The following CUX1 variants were observed in gnomAD, a reference collection of about 807,000 sequenced individuals.
CUX1 encodes cut like homeobox 1.
In CUX1, 31 loss-of-function variants were observed where a neutral mutation model predicts 158.8. The ratio of observed to expected loss-of-function variants is 0.20; its 90% CI spans 0.15 to 0.26. The LOEUF (loss-of-function observed/expected upper bound fraction) is 0.26, where lower values mean the gene tolerates loss of function less well. CUX1 is among the 10% of genes least tolerant of loss of function. CUX1 has a pLI of 1.00. For missense variants in CUX1, 1,589 were observed against 2,014.6 expected (o/e 0.79, Z 4.04); for synonymous variants, 879 against 862.1 (o/e 1.02, Z -0.34).
At chr7:102,055,185 C>T (rs1369408271) in intron 3 of CUX1, among the ~76,000 whole-genome samples, 4 of 151,460 alleles carry the variant, frequency 2.6e-5, no homozygotes, top group South Asian at 4.2e-4. Context: ...GTATTTTATA[C>T]TTTTTGTGAT....
Position 102,111,580 on chromosome 7 carries a change from C to A in CUX1, c.531-118C>A, listed in dbSNP as rs370070773. 4.1e-5 allele frequency: 36 copies of A among 871,118 alleles called. No homozygotes were observed. The East Asian group carries it at 7.0e-4, about 17-fold the overall frequency. The allele number at this position is 871,118 out of a possible 1,614,324, so 54.0% of individuals were successfully genotyped here. A position where few individuals can be genotyped will look rare whatever the true frequency, so the allele number is the denominator to read the frequency against. ...ACACGTGTCGTTGCGGGCGATACCC[C>A]GTGGTGCGCCTGCCGCCAGCTGAGC... On this transcript the variant is annotated intron_variant, in intron 6 of 23. Transcript: ENST00000292535.
At chr7:102,021,820 C>T (rs1177339581) in intron 2 of CUX1, among the ~76,000 whole-genome samples, 1 of 152,006 alleles carries the variant, frequency 6.6e-6, no homozygotes, top group African/African-American at 2.4e-5. Context: ...TTCAGCCTCT[C>T]GAAGTGCTGG....
intron 20 of CUX1, among the ~76,000 whole-genome samples, chr7:102,212,478 G>A (rs782163364): frequency 4.6e-5 from 7 of 152,204 alleles, no homozygotes; most frequent in Admixed American, 6.5e-5. Context: ...CACCCAAAGA[G>A]AGGGAAGTCA....
chr7:101,842,905 C>A (rs1179933799), intron 1 of CUX1, among the ~76,000 whole-genome samples: 1 of 129,138 alleles, frequency 7.7e-6, no homozygotes, highest in East Asian at 2.2e-4. Context: ...CAGAGTCTCT[C>A]TCTGTCGCCC....
intron 16 of CUX1, among the ~76,000 whole-genome samples, chr7:102,199,577 A>G (rs570733684): frequency 2.0e-5 from 3 of 152,290 alleles, no homozygotes; most frequent in Non-Finnish European, 2.9e-5. Flanking sequence ...GGTGCAAACA[A>G]TTTTTTAAGT....
intron 2 of CUX1, among the ~76,000 whole-genome samples, chr7:102,003,321 C>G (rs889512378): frequency 4.0e-5 from 6 of 151,466 alleles, no homozygotes; most frequent in African/African-American, 1.5e-4. Flanking sequence ...CACACACACA[C>G]ACACACACAC....
chr7:101,933,365 T>C (rs1806509194), intron 2 of CUX1, among the ~76,000 whole-genome samples: 1 of 152,170 alleles, frequency 6.6e-6, no homozygotes, highest in South Asian at 2.1e-4. Flanking sequence ...AAGTGGACAT[T>C]TTCCTTTTTT....
chr7:102,279,957 C>T, intron 18 of CUX1: 1 of 903,602 alleles, frequency 1.1e-6, no homozygotes, highest in East Asian at 2.4e-5. Flanking sequence ...GATGAGGAAA[C>T]TGAGGCTCCC....
intron 2 of CUX1, among the ~76,000 whole-genome samples, chr7:101,972,028 G>A (rs986488373): frequency 3.3e-5 from 5 of 152,134 alleles, no homozygotes; most frequent in East Asian, 1.9e-4. Flanking sequence ...CTGCAGTGGC[G>A]CTATCTTGGC....
At position 102,189,955 on chromosome 7, in the gene CUX1, G is replaced by A. The variant is rs1399634484; in HGVS notation, c.1076+84G>A. On this transcript the variant is annotated intron_variant, in intron 12 of 23. Coordinates refer to ENST00000292535, the MANE Select transcript of CUX1 (RefSeq NM_181552.4). ...AACAATGCCAGGCTGGTGGCAGGAAGCCTTGGCCCCCTGCCCTCTGGCTCA... is the reference window on the plus strand; with the variant it reads ...AACAATGCCAGGCTGGTGGCAGGAAACCTTGGCCCCCTGCCCTCTGGCTCA... 4 of 1,468,306 alleles carry A rather than the reference G, an allele frequency of 2.7e-6. No homozygotes were observed. In the African/African-American group the frequency reaches 5.6e-5, roughly 20 times the overall value. The allele number at this position is 1,468,306 out of a possible 1,614,324, so 91.0% of individuals were successfully genotyped here. A position where few individuals can be genotyped will look rare whatever the true frequency, so the allele number is the denominator to read the frequency against.
chr7:101,856,806 T>G (rs935086476), intron 1 of CUX1, among the ~76,000 whole-genome samples: 1 of 152,188 alleles, frequency 6.6e-6, no homozygotes, highest in African/African-American at 2.4e-5. Flanking sequence ...TGAAACTGCT[T>G]TCTTGTAGCC....
chr7:101,892,432 T>C (rs1202807848), intron 1 of CUX1, among the ~76,000 whole-genome samples: 2 of 152,202 alleles, frequency 1.3e-5, no homozygotes, highest in Non-Finnish European at 2.9e-5. Context: ...CAGAAGTTAC[T>C]GTGGGCTTCT....
intron 3 of CUX1, among the ~76,000 whole-genome samples, chr7:102,058,384 A>G (rs1266154212): frequency 1.3e-5 from 2 of 151,740 alleles, no homozygotes; most frequent in African/African-American, 4.8e-5. Flanking sequence ...AGCGATTCTC[A>G]TGCCTCAGCC....
chr7:102,221,383 CA>C (rs1249202992), intron 20 of CUX1, among the ~76,000 whole-genome samples: 2 of 152,102 alleles, frequency 1.3e-5, no homozygotes, highest in Non-Finnish European at 2.9e-5. Context: ...CTGTTTTTTA[CA>C]CAGTGGGGAG....
chr7:101,874,284 C>G (rs528364024), intron 1 of CUX1, among the ~76,000 whole-genome samples: 2 of 152,306 alleles, frequency 1.3e-5, no homozygotes, highest in South Asian at 4.2e-4. Flanking sequence ...TGGTGTCTCT[C>G]TCTGAGGAAA....
intron 2 of CUX1, among the ~76,000 whole-genome samples, chr7:102,025,520 T>C (rs529006841): frequency 3.3e-4 from 50 of 151,872 alleles, no homozygotes; most frequent in African/African-American, 1.2e-3. Flanking sequence ...CCCAGCTACA[T>C]GGGAAGTTGA....
chr7:101,956,334 G>A (rs565898569), intron 2 of CUX1, among the ~76,000 whole-genome samples: 15 of 152,182 alleles, frequency 9.9e-5, no homozygotes, highest in African/African-American at 2.9e-4. Context: ...TGCCGAGATC[G>A]GCCTTTTGCA....
At chr7:102,164,039 G>A (rs563265518) in intron 9 of CUX1, among the ~76,000 whole-genome samples, 2 of 152,308 alleles carry the variant, frequency 1.3e-5, no homozygotes, top group South Asian at 4.1e-4. Context: ...GTCCCAATTG[G>A]TGACAGTAAA....
At chr7:102,019,179 C>T (rs1426918427) in intron 2 of CUX1, among the ~76,000 whole-genome samples, 1 of 152,058 alleles carries the variant, frequency 6.6e-6, no homozygotes, top group Non-Finnish European at 1.5e-5. Flanking sequence ...TAGATAACCG[C>T]CCCCGCGCCC....
Sources: gnomAD v4.1 joint callset for allele counts (sites outside exome capture counted in the v4.1 genomes callset) on GRCh38, gnomAD v4.1.1 for gene constraint, MANE v1.5 for transcripts, NCBI Gene and HGNC (gene_info 2026-07-23, HGNC 2026-07-21) for gene names.